Variants in ZNF875 observed in about 807,000 individuals in gnomAD.
The protein encoded by ZNF875 is HKR1, GLI-Kruppel zinc finger family member.
A neutral mutation model predicts 11.2 loss-of-function variants in ZNF875; 14 were observed. The ratio of observed to expected loss-of-function variants is 1.26; its 90% CI spans 0.83 to 1.96. The LOEUF (loss-of-function observed/expected upper bound fraction) is 1.96, where lower values mean the gene tolerates loss of function less well. Ranked by LOEUF, ZNF875 falls within the 30% of genes most tolerant of loss-of-function variation. The pLI, the probability that ZNF875 is intolerant of heterozygous loss-of-function variation, is 0.00. For synonymous variants in ZNF875, 301 were observed against 281.1 expected (o/e 1.07, Z -0.71); for missense variants, 752 against 760.4 (o/e 0.99, Z 0.13).
chr19:37,335,497 A>G (rs1350587986), intron 2 of ZNF875, among the ~76,000 whole-genome samples: 1 of 152,258 alleles, frequency 6.6e-6, no homozygotes. Flanking sequence ...ATAAAAGACA[A>G]GAAACAAAAA....
intron 4 of ZNF875, among the ~76,000 whole-genome samples, chr19:37,327,747 GA>G (rs1484216941): frequency 1.0e-5 from 1 of 99,188 alleles, no homozygotes; most frequent in Non-Finnish European, 1.9e-5. Flanking sequence ...CTGGCCCACA[GA>G]GCAAAACTCC....
chr19:37,318,898 G>T (rs896702768), intron 1 of ZNF875, among the ~76,000 whole-genome samples: 15 of 152,220 alleles, frequency 9.9e-5, no homozygotes, highest in African/African-American at 3.6e-4. Flanking sequence ...AAGGAAGTAA[G>T]TTCCTGGTTT....
chr19:37,347,267 C>G lies in ZNF875; in HGVS notation c.111C>G (p.Thr37=), dbSNP rs1443550219. ...EWRLLSPAQR[T]LHREVMLETY... The stretch of plus-strand genomic sequence containing the variant: ...GGTTGTTGAGCCCTGCTCAGAGGAC[C>G]CTGCACAGGGAGGTGATGCTGGAGA... The change falls in exon 3 of 5, where the codon ACC becomes ACG. Residue 37 remains threonine (T), a synonymous_variant. Transcript: ENST00000392153. The G allele has an allele frequency of 6.2e-7, 1 of 1,613,994 alleles. No individual in the cohort carries two copies. Among genetic ancestry groups the G allele is most frequent in the Non-Finnish European group, 8.5e-7 (1 of 1,179,880 alleles).
chr19:37,352,874 C>CTT (rs60469285), intron 4 of ZNF875, among the ~76,000 whole-genome samples: 2 of 87,754 alleles, frequency 2.3e-5, no homozygotes, highest in Non-Finnish European at 4.6e-5. Flanking sequence ...ATTCTTTTTT[C>CTT]TTTTTTTTTT....
At chr19:37,316,416 C>A (rs117804100), upstream of ZNF875, among the ~76,000 whole-genome samples, 963 of 152,340 alleles carry the variant, frequency 6.3e-3, 26 homozygotes, top group East Asian at 0.053. Flanking sequence ...CTCGCCCAGG[C>A]TGGAGTGCAA....
chr19:37,355,610 C>T (rs903875708), intron 4 of ZNF875, among the ~76,000 whole-genome samples: 2 of 152,088 alleles, frequency 1.3e-5, no homozygotes, highest in Non-Finnish European at 2.9e-5. Flanking sequence ...ATCTACCATT[C>T]GTATTATAAT....
chr19:37,354,135 A>G (rs965122416), intron 4 of ZNF875, among the ~76,000 whole-genome samples: 5 of 150,766 alleles, frequency 3.3e-5, no homozygotes, highest in African/African-American at 9.8e-5. Context: ...CTATTCTTTT[A>G]TTTTCAAATT....
intron 2 of ZNF875, among the ~76,000 whole-genome samples, chr19:37,338,779 C>T (rs1284443976): frequency 6.6e-6 from 1 of 152,194 alleles, no homozygotes; most frequent in East Asian, 1.9e-4. Context: ...CTGTTGTTTG[C>T]TTTGGTTTGT....
At chr19:37,327,295 G>T (rs2032634283) in intron 4 of ZNF875, among the ~76,000 whole-genome samples, 1 of 152,012 alleles carries the variant, frequency 6.6e-6, no homozygotes, top group Non-Finnish European at 1.5e-5. Flanking sequence ...CCCTGGCCAG[G>T]AAACTTATTT....
At chr19:37,361,283 C>T (rs1005504092) in intron 4 of ZNF875, among the ~76,000 whole-genome samples, 7 of 151,916 alleles carry the variant, frequency 4.6e-5, no homozygotes, top group African/African-American at 1.7e-4. Context: ...GCTAATTTTT[C>T]TATTTTTAGT....
At position 37,326,706 on chromosome 19, in the gene ZNF875, C is replaced by T. The variant is rs374584571; in HGVS notation, c.-603+2441C>T. On this transcript the variant is annotated intron_variant, in intron 4 of 5. Transcript: ENST00000544914. Reference sequence around the variant, plus strand: ...TTTTTGAGTTGTAGTCTCGCTCTGTCGCCCAGACTGGAGTGCAGTGGCGTG... The same window carrying T: ...TTTTTGAGTTGTAGTCTCGCTCTGTTGCCCAGACTGGAGTGCAGTGGCGTG... Among the ~76,000 whole-genome samples the T allele has an allele frequency of 2.5e-3, 283 of 111,570 alleles. 3 individuals carry two copies. The highest frequency in any genetic ancestry group is 9.1e-3 in the African/African-American group (266 of 29,300). The allele number at this position is 111,570 out of a possible 152,430, so 73.2% of individuals were successfully genotyped here.
chr19:37,360,748 AGC>A (rs2039759844), intron 4 of ZNF875, among the ~76,000 whole-genome samples: 1 of 151,960 alleles, frequency 6.6e-6, no homozygotes, highest in Non-Finnish European at 1.5e-5. Flanking sequence ...CTCCCACCTC[AGC>A]CTCCTTAAGT....
chr19:37,328,493 A>T (rs1184522791), intron 4 of ZNF875: 1 of 152,300 alleles, frequency 6.6e-6, no homozygotes. Flanking sequence ...GGTTCCTGAT[A>T]AAAGGATGAG....
At position 37,363,645 on chromosome 19, in the gene ZNF875, G is replaced by A; in HGVS notation, c.1793G>A (p.Ser598Asn). 6.2e-7 allele frequency: 1 copy of A among 1,613,594 alleles called. No homozygotes were observed. The highest frequency in any genetic ancestry group is 8.5e-7 in the Non-Finnish European group (1 of 1,179,714). The change falls in exon 5 of 5, where the codon AGC (serine) becomes AAC (asparagine). Residue 598 changes from serine (S) to asparagine (N), a missense_variant. Coordinates refer to ENST00000392153, the MANE Select transcript of ZNF875 (RefSeq NM_001353803.2). ...HVCRECGQGF[S>N]RQSHLIRHQR... Reference sequence around the variant, plus strand: ...TGCAGGGAGTGTGGGCAAGGCTTTAGCCGGCAGTCACACCTCATTAGACAC... The same window carrying A: ...TGCAGGGAGTGTGGGCAAGGCTTTAACCGGCAGTCACACCTCATTAGACAC...
intron 4 of ZNF875, among the ~76,000 whole-genome samples, chr19:37,356,763 C>G (rs2038983570): frequency 2.0e-5 from 3 of 152,162 alleles, no homozygotes; most frequent in South Asian, 2.1e-4. Context: ...TGCTTTCTCC[C>G]ATTCTGTAGG....
intron 4 of ZNF875, among the ~76,000 whole-genome samples, chr19:37,326,411 G>C (rs1390593086): frequency 2.0e-5 from 3 of 152,014 alleles, no homozygotes; most frequent in Non-Finnish European, 1.5e-5. Flanking sequence ...CTTTAATATG[G>C]AGAATTATTT....
chr19:37,357,572 A>T (rs973382411), intron 4 of ZNF875, among the ~76,000 whole-genome samples: 6 of 151,916 alleles, frequency 3.9e-5, no homozygotes, highest in Admixed American at 2.6e-4. Context: ...ATTCTTAGGC[A>T]TTTTGTGTGT....
At chr19:37,321,088 C>G (rs537536456) in intron 1 of ZNF875, among the ~76,000 whole-genome samples, 1 of 152,092 alleles carries the variant, frequency 6.6e-6, no homozygotes, top group Non-Finnish European at 1.5e-5. Flanking sequence ...TGTGTAAGGC[C>G]GCAGGGATCT....
At chr19:37,332,925 A>AT (rs1263426099), upstream of ZNF875, among the ~76,000 whole-genome samples, 2 of 152,212 alleles carry the variant, frequency 1.3e-5, no homozygotes. Flanking sequence ...AACTCAGGTG[A>AT]GAGTGTATCA....
Sources: gnomAD v4.1 joint callset for allele counts (sites outside exome capture counted in the v4.1 genomes callset) on GRCh38, gnomAD v4.1.1 for gene constraint, MANE v1.5 for transcripts, NCBI Gene and HGNC (gene_info 2026-07-23, HGNC 2026-07-21) for gene names.